Variants in SNX29 observed in about 807,000 individuals in gnomAD.
The protein encoded by SNX29 is sorting nexin-29.
SNX29 carries 78 observed loss-of-function variants against 102.1 expected under a neutral mutation model. The ratio of observed to expected loss-of-function variants is 0.76; its 90% CI spans 0.64 to 0.92. The LOEUF (loss-of-function observed/expected upper bound fraction) is 0.92, where lower values mean the gene tolerates loss of function less well. SNX29 is among the 40% of genes least tolerant of loss of function. The pLI is 0.00. For missense variants in SNX29, 1,280 were observed against 1,061.7 expected (o/e 1.21, Z -2.86); for synonymous variants, 580 against 414.5 (o/e 1.40, Z -4.85).
chr16:12,074,525 G>A (rs1380924328), intron 10 of SNX29, among the ~76,000 whole-genome samples: 1 of 152,092 alleles, frequency 6.6e-6, no homozygotes, highest in African/African-American at 2.4e-5. Flanking sequence ...AGTTTCTGTC[G>A]AGAGATCCAC....
At chr16:12,455,623 A>G (rs1280011379) in intron 18 of SNX29, among the ~76,000 whole-genome samples, 2 of 152,156 alleles carry the variant, frequency 1.3e-5, no homozygotes, top group Non-Finnish European at 2.9e-5. Flanking sequence ...CGCTGCTATG[A>G]GTGTCGGTAA....
At chr16:12,387,360 A>G (rs1250142408) in intron 16 of SNX29, among the ~76,000 whole-genome samples, 1 of 152,068 alleles carries the variant, frequency 6.6e-6, no homozygotes, top group African/African-American at 2.4e-5. Context: ...CTACTGGTCT[A>G]CTTGGGATAG....
At position 12,432,106 on chromosome 16, in the gene SNX29, G is replaced by C. The variant is rs977000993; in HGVS notation, c.2037+28577G>C. Among the ~76,000 whole-genome samples, 15 of 152,320 alleles carry C rather than the reference G, an allele frequency of 9.8e-5. No homozygotes were observed. In the South Asian group the frequency reaches 3.1e-3, roughly 32 times the overall value. The stretch of plus-strand genomic sequence containing the variant: ...GACCTGGTGATGGTGGAGGGGACGA[G>C]GACACAGGGGTGGAGGCTGCTTTAT... On this transcript the variant is annotated intron_variant, in intron 18 of 20. Transcript: ENST00000566228.
chr16:12,437,155 C>T (rs1246089492), intron 18 of SNX29, among the ~76,000 whole-genome samples: 1 of 152,212 alleles, frequency 6.6e-6, no homozygotes, highest in Non-Finnish European at 1.5e-5. Context: ...TACTGAAATC[C>T]TGTAATTTTT....
chr16:12,289,423 G>A (rs78781116), intron 15 of SNX29, among the ~76,000 whole-genome samples: 567 of 152,298 alleles, frequency 3.7e-3, no homozygotes, highest in Non-Finnish European at 6.6e-3. Flanking sequence ...GCCTTCTAGT[G>A]TTTATCCTTG....
At chr16:12,112,599 G>T (rs1484609291) in intron 11 of SNX29, among the ~76,000 whole-genome samples, 1 of 152,210 alleles carries the variant, frequency 6.6e-6, no homozygotes, top group Non-Finnish European at 1.5e-5. Flanking sequence ...GACGACAGCA[G>T]CCCCAAGCGG....
At chr16:12,404,918 T>C (rs2084101955) in intron 18 of SNX29, among the ~76,000 whole-genome samples, 1 of 152,226 alleles carries the variant, frequency 6.6e-6, no homozygotes, top group African/African-American at 2.4e-5. Context: ...TAGGGACAGA[T>C]GAGCTAGACT....
chr16:12,417,928 T>C (rs1490054270), intron 18 of SNX29, among the ~76,000 whole-genome samples: 1 of 152,168 alleles, frequency 6.6e-6, no homozygotes, highest in Non-Finnish European at 1.5e-5. Flanking sequence ...GGATGGCTTC[T>C]TGGTACTCCG....
chr16:12,055,829 C>T lies in SNX29; in HGVS notation c.1124+3607C>T, dbSNP rs943503862. The stretch of plus-strand genomic sequence containing the variant: ...AGCTAGAATAATGTTTGACCAAATA[C>T]CTGGGTATTGTGGCCCAGCAAAATT... On this transcript the variant is annotated intron_variant, in intron 8 of 20. Transcript: ENST00000566228. Among the ~76,000 whole-genome samples, 4 of 152,310 alleles carry T rather than the reference C, an allele frequency of 2.6e-5. No homozygotes were observed. The South Asian group carries it at 8.3e-4, about 32-fold the overall frequency.
chr16:12,425,227 G>A (rs1442910619), intron 18 of SNX29, among the ~76,000 whole-genome samples: 1 of 152,354 alleles, frequency 6.6e-6, no homozygotes, highest in Admixed American at 6.5e-5. Context: ...TGCTCAGGGT[G>A]AAAGTGAGGG....
chr16:12,400,819 CATTT>C (rs35880279), intron 17 of SNX29, among the ~76,000 whole-genome samples: 1 of 151,768 alleles, frequency 6.6e-6, no homozygotes, highest in South Asian at 2.1e-4. Context: ...ACCTCACTTT[CATTT>C]ATTTATTTAT....
chr16:12,541,090 C>G (rs947151899), intron 20 of SNX29, among the ~76,000 whole-genome samples: 9 of 152,168 alleles, frequency 5.9e-5, no homozygotes, highest in Non-Finnish European at 8.8e-5. Flanking sequence ...CCTCATGCAT[C>G]CACTCCAGGT....
chr16:12,009,459 A>ATGTGTGTGTG (rs139936824), intron 3 of SNX29, among the ~76,000 whole-genome samples: 1 of 148,982 alleles, frequency 6.7e-6, no homozygotes, highest in African/African-American at 2.5e-5. Flanking sequence ...GTGTGTATAT[A>ATGTGTGTGTG]TGTGTGTGTG....
intron 3 of SNX29, among the ~76,000 whole-genome samples, chr16:12,019,794 A>G (rs1414410305): frequency 6.6e-6 from 1 of 151,322 alleles, no homozygotes; most frequent in East Asian, 2.0e-4. Context: ...GTACCACCAC[A>G]CCCGACTTTT....
Position 12,110,148 on chromosome 16 carries a change from T to C in SNX29, c.1403-16485T>C, listed in dbSNP as rs183536443. 8.5e-5 allele frequency among the ~76,000 whole-genome samples: 13 copies of C among 152,232 alleles called. No individual in the cohort carries two copies. The East Asian group carries it at 1.9e-3, about 23-fold the overall frequency. On this transcript the variant is annotated intron_variant, in intron 11 of 20. Transcript: ENST00000566228. ...GATGCTGAGCTTGCGGGGAGGTGTT[T>C]CAGAACTGCAGCTCACGTGTCTAAA...
At chr16:12,526,023 A>G (rs2076773705) in intron 20 of SNX29, among the ~76,000 whole-genome samples, 2 of 152,204 alleles carry the variant, frequency 1.3e-5, no homozygotes, top group Admixed American at 6.5e-5. Flanking sequence ...TATGGTCTTC[A>G]GATGCTACAG....
At chr16:12,378,571 C>T (rs566226446) in intron 16 of SNX29, among the ~76,000 whole-genome samples, 15 of 152,274 alleles carry the variant, frequency 9.9e-5, no homozygotes, top group African/African-American at 3.6e-4. Context: ...ATCATTTGAA[C>T]CTGAGAGGTG....
rs190772977 is a variant in SNX29 at position 12,385,522 on chromosome 16, C to G, written c.1900-12924C>G. ...GTGAAGGAAGGAGGAGGCCAGCACT[C>G]AGGGCCCTCACCCGGACTGTGTCCC... is the stretch of plus-strand genomic sequence containing the variant. On this transcript the variant is annotated intron_variant, in intron 16 of 20. Coordinates refer to ENST00000566228, the MANE Select transcript of SNX29 (RefSeq NM_032167.5). Among the ~76,000 whole-genome samples, 306 of 152,318 alleles carry G rather than the reference C, an allele frequency of 2.0e-3. 2 individuals are homozygous for G. In the Middle Eastern group the frequency reaches 0.02, roughly 10 times the overall value.
chr16:12,316,683 C>T (rs1308362248), intron 15 of SNX29, among the ~76,000 whole-genome samples: 3 of 152,140 alleles, frequency 2.0e-5, no homozygotes, highest in African/African-American at 7.2e-5. Context: ...CTTAAGGTCC[C>T]GCTCACTGGG....
Sources: allele counts gnomAD v4.1 joint callset (sites outside exome capture counted in the v4.1 genomes callset), GRCh38; gene constraint gnomAD v4.1.1; transcripts MANE v1.5; gene names NCBI Gene and HGNC (gene_info 2026-07-23, HGNC 2026-07-21).